Variants in DNAI4 observed in about 807,000 individuals in gnomAD.
DNAI4 encodes the protein WD repeat domain 78.
Under a neutral mutation model 105.8 loss-of-function variants are expected in DNAI4, and 85 were observed. The observed-to-expected ratio is 0.80, with a 90% CI of 0.67 to 0.96. The LOEUF (loss-of-function observed/expected upper bound fraction) is 0.96. Among genes scored for constraint, DNAI4 ranks in the 40% least tolerant of loss-of-function variants. DNAI4 has a pLI of 0.00. For missense variants in DNAI4, 1,014 were observed against 1,005.6 expected (o/e 1.01, Z -0.11); for synonymous variants, 352 against 331.5 (o/e 1.06, Z -0.67).
intron 7 of DNAI4, chr1:66,848,392 T>G: frequency 2.6e-6 from 1 of 377,624 alleles, no homozygotes; most frequent in Non-Finnish European, 5.2e-6. Flanking sequence ...TCTCTCCATC[T>G]GAAAATCCCC....
At chr1:66,868,372 C>G (rs1646774489) in intron 6 of DNAI4, among the ~76,000 whole-genome samples, 1 of 152,150 alleles carries the variant, frequency 6.6e-6, no homozygotes, top group Non-Finnish European at 1.5e-5. Flanking sequence ...GGATGCCTAG[C>G]TAGCTGGTTA....
chr1:66,840,447 G>C, intron 9 of DNAI4, 22 bp downstream of exon 9: 1 of 1,593,220 alleles, frequency 6.3e-7, no homozygotes, highest in Non-Finnish European at 8.6e-7. Flanking sequence ...AAACAGAATT[G>C]TTCAAATGTT....
rs532485166 is a variant in DNAI4 at position 66,849,663 on chromosome 1, T to C, written c.1097-1985A>G. ...TATTTATGAACACACTTGAAACAAATGAAAAAATAGAAAGTATCATCAAAG... is the reference window on the plus strand; with the variant it reads ...TATTTATGAACACACTTGAAACAAACGAAAAAATAGAAAGTATCATCAAAG... On this transcript the variant is annotated intron_variant, in intron 7 of 16. Transcript: ENST00000371026. Among the ~76,000 whole-genome samples, 16 of 151,618 alleles carry C rather than the reference T, an allele frequency of 1.1e-4. No homozygotes were observed. In the South Asian group the frequency reaches 3.1e-3, roughly 30 times the overall value.
At chr1:66,851,393 TAAAG>T (rs1000814597) in intron 7 of DNAI4, among the ~76,000 whole-genome samples, 12 of 151,880 alleles carry the variant, frequency 7.9e-5, no homozygotes, top group African/African-American at 2.9e-4. Flanking sequence ...TTTGATGGAA[TAAAG>T]AGACAGAAAA....
chr1:66,888,246 G>C (rs1426245922), intron 4 of DNAI4, among the ~76,000 whole-genome samples: 1 of 152,016 alleles, frequency 6.6e-6, no homozygotes, highest in African/African-American at 2.4e-5. Flanking sequence ...CCTGAATTGA[G>C]ACACAACTAT....
chr1:66,881,592 G>A (rs577416777), intron 4 of DNAI4, among the ~76,000 whole-genome samples: 1 of 152,306 alleles, frequency 6.6e-6, no homozygotes, highest in Admixed American at 6.5e-5. Context: ...TTTACCCAAT[G>A]CCTGTACCCC....
At chr1:66,892,305 T>A (rs1487051788) in intron 3 of DNAI4, among the ~76,000 whole-genome samples, 1 of 152,050 alleles carries the variant, frequency 6.6e-6, no homozygotes, top group Non-Finnish European at 1.5e-5. Flanking sequence ...CTGTGTATTA[T>A]AAAATAAGAG....
At chr1:66,904,822 A>G (rs1472673146) in intron 2 of DNAI4, 2 of 196,162 alleles carry the variant, frequency 1.0e-5, no homozygotes, top group Non-Finnish European at 2.0e-5. Context: ...AAAAGAGTCA[A>G]TTCTTAATTA....
At chr1:66,922,693 G>A (rs891295562) in intron 1 of DNAI4, among the ~76,000 whole-genome samples, 4 of 152,218 alleles carry the variant, frequency 2.6e-5, no homozygotes, top group African/African-American at 9.6e-5. Context: ...TATAGAGTGA[G>A]GTATAAGATA....
intron 4 of DNAI4, among the ~76,000 whole-genome samples, chr1:66,877,368 A>G (rs1206489504): frequency 1.3e-5 from 2 of 152,196 alleles, no homozygotes; most frequent in Non-Finnish European, 2.9e-5. Flanking sequence ...AACTCCTTCT[A>G]GTTATATGGT....
At chr1:66,853,223 G>A (rs369131973) in intron 7 of DNAI4, among the ~76,000 whole-genome samples, 8 of 152,338 alleles carry the variant, frequency 5.3e-5, no homozygotes, top group East Asian at 3.9e-4. Context: ...CAGGAAGGGC[G>A]TGAGAAAGAG....
chr1:66,874,455 A>G (rs1646919135), intron 5 of DNAI4, among the ~76,000 whole-genome samples: 1 of 152,142 alleles, frequency 6.6e-6, no homozygotes, highest in African/African-American at 2.4e-5. Flanking sequence ...ATATATGTAT[A>G]AAAGTAAAAA....
Position 66,813,744 on chromosome 1 carries a change from A to G in DNAI4, c.*386T>C, listed in dbSNP as rs758653884. 14 of 155,872 alleles carry G rather than the reference A, an allele frequency of 9.0e-5. No homozygotes were observed. Among genetic ancestry groups the G allele is most frequent in the East Asian group, 1.8e-4 (1 of 5,540 alleles). The allele number at this position is 155,872 out of a possible 1,614,324, so 9.7% of individuals were successfully genotyped here. A position where few individuals can be genotyped will look rare whatever the true frequency, so the allele number is the denominator to read the frequency against. ...CTGGAAAGCAGAAGCTTTAAAATCA[A>G]TAGAATTGTGTCTTATAAAGATTTT... On this transcript the variant is annotated 3_prime_UTR_variant, in exon 17 of 17. Transcript: ENST00000371026.
chr1:66,864,867 C>T (rs537477216), intron 6 of DNAI4, among the ~76,000 whole-genome samples: 1 of 152,186 alleles, frequency 6.6e-6, no homozygotes, highest in South Asian at 2.1e-4. Flanking sequence ...ATGATCAACC[C>T]AAAAGTTAGG....
intron 3 of DNAI4, among the ~76,000 whole-genome samples, chr1:66,892,642 A>G (rs1283070254): frequency 6.6e-6 from 1 of 152,166 alleles, no homozygotes; most frequent in East Asian, 1.9e-4. Flanking sequence ...TGGGTGGCTC[A>G]TGCCTGTAAT....
In DNAI4 at chr1:66,833,136, G is replaced by T. The variant is rs1572609989; in HGVS notation, c.2013+449C>A. Among the ~76,000 whole-genome samples, 3 of 152,198 alleles carry T rather than the reference G, an allele frequency of 2.0e-5. No homozygotes were observed. In the South Asian group the frequency reaches 6.2e-4, roughly 32 times the overall value. On this transcript the variant is annotated intron_variant, in intron 13 of 16. Coordinates refer to ENST00000371026, the MANE Select transcript of DNAI4 (RefSeq NM_024763.5). ...TCTGCAAAAGCAGATAAAGATCATA[G>T]TATAGCCAACTAGAATGTACCATTC...
chr1:66,865,304 A>G (rs1646710370), intron 6 of DNAI4, among the ~76,000 whole-genome samples: 1 of 151,972 alleles, frequency 6.6e-6, no homozygotes, highest in African/African-American at 2.4e-5. Context: ...TGTGCCTGTA[A>G]TCGCAGCTAC....
intron 2 of DNAI4, 26 bp downstream of exon 2, chr1:66,905,175 T>A: frequency 8.9e-6 from 13 of 1,454,824 alleles, no homozygotes; most frequent in African/African-American, 1.4e-5. Context: ...CATTTTCAAA[T>A]AAACTCAGAA....
intron 8 of DNAI4, among the ~76,000 whole-genome samples, chr1:66,844,210 A>G (rs1463504493): frequency 6.6e-6 from 1 of 151,906 alleles, no homozygotes; most frequent in African/African-American, 2.4e-5. Context: ...TTTACTATAT[A>G]TATTTATCTT....
Sources: gnomAD v4.1 joint callset for allele counts (sites outside exome capture counted in the v4.1 genomes callset) on GRCh38, gnomAD v4.1.1 for gene constraint, MANE v1.5 for transcripts, NCBI Gene and HGNC (gene_info 2026-07-23, HGNC 2026-07-21) for gene names.